The following BICC1 variants were observed in gnomAD, a reference collection of about 807,000 sequenced individuals.
The protein encoded by BICC1 is protein bicaudal C homolog 1.
A neutral mutation model predicts 111.0 loss-of-function variants in BICC1; 43 were observed. The observed-to-expected ratio is 0.39, with a 90% CI of 0.30 to 0.50. The LOEUF is 0.50. Ranked by LOEUF, BICC1 falls within the 20% of genes least tolerant of loss-of-function variation. The pLI is 0.88. For synonymous variants in BICC1, 467 were observed against 434.4 expected, an observed-to-expected ratio of 1.07 and a Z score of -0.93; for missense variants, 1,091 against 1,203.2, an observed-to-expected ratio of 0.91 and a Z score of 1.38.
At chr10:58,630,750 A>G (rs1837768646) in intron 2 of BICC1, among the ~76,000 whole-genome samples, 6 of 152,196 alleles carry the variant, frequency 3.9e-5, no homozygotes, top group Admixed American at 3.3e-4. Flanking sequence ...CAAAGGGTTT[A>G]TGCATTCACA....
At chr10:58,663,827 G>C (rs1838923798) in intron 2 of BICC1, among the ~76,000 whole-genome samples, 1 of 152,170 alleles carries the variant, frequency 6.6e-6, no homozygotes, top group Admixed American at 6.5e-5. Context: ...ATATGCTATA[G>C]TCTTTTGTCT....
chr10:58,750,481 C>CT (rs2132641541), intron 3 of BICC1, among the ~76,000 whole-genome samples: 1 of 152,182 alleles, frequency 6.6e-6, no homozygotes, highest in Non-Finnish European at 1.5e-5. Context: ...CATAAGAACT[C>CT]TAAGATTTGT....
chr10:58,582,333 A>G (rs1844306372), intron 1 of BICC1, among the ~76,000 whole-genome samples: 1 of 152,210 alleles, frequency 6.6e-6, no homozygotes, highest in Non-Finnish European at 1.5e-5. Context: ...ACCTTTGTTA[A>G]TCTAATAAAT....
At chr10:58,654,442 G>A (rs1239624109) in intron 2 of BICC1, among the ~76,000 whole-genome samples, 1 of 20,016 alleles carries the variant, frequency 5.0e-5, no homozygotes, top group African/African-American at 1.3e-4. Context: ...GTGATGATGA[G>A]CATTTTTTCA....
intron 1 of BICC1, among the ~76,000 whole-genome samples, chr10:58,616,113 A>G (rs1348345254): frequency 6.6e-6 from 1 of 152,118 alleles, no homozygotes; most frequent in South Asian, 2.1e-4. Context: ...GCCAGGCTAC[A>G]GAGCTCGGAA....
At chr10:58,745,825 CG>C in intron 3 of BICC1, among the ~76,000 whole-genome samples, 1 of 151,892 alleles carries the variant, frequency 6.6e-6, no homozygotes, top group East Asian at 1.9e-4. Flanking sequence ...TACCTTTTGC[CG>C]TGTAGCCTAA....
chr10:58,577,694 T>G (rs1388187961), intron 1 of BICC1, among the ~76,000 whole-genome samples: 1 of 152,234 alleles, frequency 6.6e-6, no homozygotes, highest in Non-Finnish European at 1.5e-5. Context: ...GCAATCTTTC[T>G]GAAGCTGCTT....
chr10:58,571,374 A>ATAGGTTTGTTG (rs562145758), intron 1 of BICC1, among the ~76,000 whole-genome samples: 354 of 152,224 alleles, frequency 2.3e-3, no homozygotes, highest in African/African-American at 8.1e-3. Context: ...TGCAGGATGC[A>ATAGGTTTGTTG]CAGGTTTGTT....
intron 2 of BICC1, among the ~76,000 whole-genome samples, chr10:58,634,401 C>A (rs955554649): frequency 1.1e-4 from 16 of 152,138 alleles, no homozygotes; most frequent in Admixed American, 5.9e-4. Context: ...ATCTAGAGCA[C>A]CATTCTTAAC....
chr10:58,732,134 A>G (rs1841318116), intron 3 of BICC1, among the ~76,000 whole-genome samples: 2 of 151,838 alleles, frequency 1.3e-5, no homozygotes, highest in East Asian at 2.0e-4. Flanking sequence ...TTTTCATTTA[A>G]TGTGAGAGGT....
intron 20 of BICC1, chr10:58,824,186 G>A: frequency 1.4e-6 from 1 of 704,616 alleles, no homozygotes; most frequent in Non-Finnish European, 1.7e-6. Flanking sequence ...CAGTGCTCAG[G>A]GCATTGACCT....
chr10:58,513,677 C>G (rs1005873256), intron 1 of BICC1, among the ~76,000 whole-genome samples: 3 of 152,346 alleles, frequency 2.0e-5, no homozygotes, highest in East Asian at 1.9e-4. Flanking sequence ...CCGGACCACT[C>G]GGGCCGCACA....
intron 1 of BICC1, among the ~76,000 whole-genome samples, chr10:58,606,351 T>C (rs1038433766): frequency 2.0e-5 from 3 of 149,952 alleles, no homozygotes; most frequent in African/African-American, 7.4e-5. Context: ...TTTCACCATA[T>C]CCTTCTACTT....
intron 15 of BICC1, among the ~76,000 whole-genome samples, chr10:58,803,986 C>T (rs1843634989): frequency 6.6e-6 from 1 of 152,056 alleles, no homozygotes; most frequent in Admixed American, 6.6e-5. Flanking sequence ...TATCTTTCAC[C>T]ACCAAAAAAG....
intron 2 of BICC1, among the ~76,000 whole-genome samples, chr10:58,641,478 T>A (rs949614866): frequency 6.6e-6 from 1 of 152,082 alleles, no homozygotes; most frequent in Admixed American, 6.6e-5. Flanking sequence ...TCCTTTTTTT[T>A]TTTGCTTTCC....
At chr10:58,802,522 C>T (rs1383707994) in intron 14 of BICC1, among the ~76,000 whole-genome samples, 4 of 152,174 alleles carry the variant, frequency 2.6e-5, no homozygotes, top group African/African-American at 7.2e-5. Flanking sequence ...AGCACTTTTA[C>T]GCTCTGCCTG....
intron 3 of BICC1, among the ~76,000 whole-genome samples, chr10:58,727,587 A>G (rs963419874): frequency 2.6e-5 from 4 of 152,118 alleles, no homozygotes; most frequent in African/African-American, 9.7e-5. Flanking sequence ...ATGCTGTCTC[A>G]ACAACAAAAA....
At chr10:58,741,345 C>T (rs930568624) in intron 3 of BICC1, among the ~76,000 whole-genome samples, 3 of 152,150 alleles carry the variant, frequency 2.0e-5, no homozygotes, top group Non-Finnish European at 4.4e-5. Context: ...AACCTTGTAA[C>T]AGCCCCATGA....
At chr10:58,516,206 T>A (rs1342530305) in intron 1 of BICC1, among the ~76,000 whole-genome samples, 1 of 152,190 alleles carries the variant, frequency 6.6e-6, no homozygotes, top group Non-Finnish European at 1.5e-5. Flanking sequence ...TAAATAAGAT[T>A]ATCTGCCTTT....
Sources: gnomAD v4.1 joint callset for allele counts (sites outside exome capture counted in the v4.1 genomes callset) on GRCh38, gnomAD v4.1.1 for gene constraint, MANE v1.5 for transcripts, NCBI Gene and HGNC (gene_info 2026-07-23, HGNC 2026-07-21) for gene names.